The following CTNNA3 variants were observed in gnomAD, a reference collection of about 807,000 sequenced individuals.
CTNNA3 encodes catenin alpha-3.
A neutral mutation model predicts 95.7 loss-of-function variants in CTNNA3; 76 were observed. That is an observed-to-expected ratio of 0.79 (90% CI 0.66 to 0.96). CTNNA3 has a LOEUF of 0.96. CTNNA3 is among the 40% of genes least tolerant of loss of function. The pLI, the probability that CTNNA3 is intolerant of heterozygous loss-of-function variation, is 0.00. For synonymous variants in CTNNA3, 431 were observed against 374.4 expected, an observed-to-expected ratio of 1.15 and a Z score of -1.74; for missense variants, 1,191 against 1,089.8, an observed-to-expected ratio of 1.09 and a Z score of -1.31.
At chr10:67,505,740 T>C (rs966760410) in intron 5 of CTNNA3, among the ~76,000 whole-genome samples, 2 of 152,202 alleles carry the variant, frequency 1.3e-5, no homozygotes, top group South Asian at 4.1e-4. Flanking sequence ...CAACCACAGA[T>C]CATTACCTAC....
At chr10:66,131,956 A>C (rs1428582134) in intron 13 of CTNNA3, among the ~76,000 whole-genome samples, 1 of 152,180 alleles carries the variant, frequency 6.6e-6, no homozygotes, top group Non-Finnish European at 1.5e-5. Flanking sequence ...ACCTTGGAAG[A>C]AACCTAGGCA....
At chr10:67,247,609 T>C (rs1865950633) in intron 5 of CTNNA3, among the ~76,000 whole-genome samples, 1 of 152,186 alleles carries the variant, frequency 6.6e-6, no homozygotes. Context: ...ATGTAATTTC[T>C]ATCAAAATTC....
At chr10:66,218,988 T>C (rs572325519) in intron 13 of CTNNA3, among the ~76,000 whole-genome samples, 3 of 152,326 alleles carry the variant, frequency 2.0e-5, no homozygotes, top group Admixed American at 1.3e-4. Flanking sequence ...TCTCCTTTCT[T>C]ATTAGAAATA....
At chr10:66,052,486 G>C (rs1472377041) in intron 15 of CTNNA3, among the ~76,000 whole-genome samples, 1 of 152,170 alleles carries the variant, frequency 6.6e-6, no homozygotes, top group Non-Finnish European at 1.5e-5. Context: ...ATGTTTACTA[G>C]AGAGGGTCAA....
chr10:66,810,727 C>G (rs1003656849), intron 7 of CTNNA3, among the ~76,000 whole-genome samples: 14 of 152,112 alleles, frequency 9.2e-5, no homozygotes, highest in African/African-American at 2.4e-5. Flanking sequence ...GTTAGCATGC[C>G]CTCCACATTC....
intron 9 of CTNNA3, among the ~76,000 whole-genome samples, chr10:66,754,057 A>G (rs894095008): frequency 4.6e-5 from 7 of 152,178 alleles, no homozygotes; most frequent in African/African-American, 1.7e-4. Flanking sequence ...AATACAAGGG[A>G]CCTATAAAAG....
chr10:67,690,314 A>G (rs1030768915), intron 1 of CTNNA3, among the ~76,000 whole-genome samples: 2 of 152,190 alleles, frequency 1.3e-5, no homozygotes, highest in African/African-American at 2.4e-5. Context: ...GTGCGGACCC[A>G]AAGAGTGAGC....
At chr10:66,379,579 G>A (rs1481905501) in intron 11 of CTNNA3, among the ~76,000 whole-genome samples, 5 of 152,030 alleles carry the variant, frequency 3.3e-5, no homozygotes, top group Non-Finnish European at 7.4e-5. Context: ...AGAGAAATTT[G>A]TATTGACTGC....
chr10:67,158,464 T>C (rs957396896), intron 7 of CTNNA3, among the ~76,000 whole-genome samples: 2 of 152,126 alleles, frequency 1.3e-5, no homozygotes, highest in Non-Finnish European at 2.9e-5. Context: ...TCTATCAAAA[T>C]AGATGGGCTC....
At chr10:67,377,304 A>G (rs889531176) in intron 5 of CTNNA3, among the ~76,000 whole-genome samples, 1 of 152,200 alleles carries the variant, frequency 6.6e-6, no homozygotes, top group African/African-American at 2.4e-5. Context: ...AAGAAAGAAG[A>G]TGTATATTAA....
chr10:67,576,602 G>A (rs545729128), intron 3 of CTNNA3, among the ~76,000 whole-genome samples: 2 of 148,760 alleles, frequency 1.3e-5, no homozygotes, highest in Non-Finnish European at 3.0e-5. Flanking sequence ...TGTGCACAAT[G>A]TGCAAGTTAG....
chr10:66,783,784 C>T (rs1840634640), intron 7 of CTNNA3, among the ~76,000 whole-genome samples: 1 of 152,084 alleles, frequency 6.6e-6, no homozygotes. Flanking sequence ...TTTCTGTCTC[C>T]ACCATGTTTT....
At chr10:67,602,703 T>C (rs1843125041) in intron 3 of CTNNA3, among the ~76,000 whole-genome samples, 1 of 152,198 alleles carries the variant, frequency 6.6e-6, no homozygotes, top group Non-Finnish European at 1.5e-5. Context: ...TACCATCTCA[T>C]GGCAATTATT....
intron 7 of CTNNA3, among the ~76,000 whole-genome samples, chr10:67,034,623 A>C (rs1853930604): frequency 1.3e-5 from 2 of 152,142 alleles, no homozygotes; most frequent in African/African-American, 4.8e-5. Flanking sequence ...CCTACAAATA[A>C]ATTACAAGAA....
rs1221243758 is a variant in CTNNA3 at position 66,845,726 on chromosome 10, A to T, written c.1048-70202T>A. On this transcript the variant is annotated intron_variant, in intron 7 of 17. Coordinates refer to ENST00000433211, the MANE Select transcript of CTNNA3 (RefSeq NM_013266.4). ...CTCAAAAAAAAAAAAAAAAAAAAAA[A>T]AAACTAAAAAGGTGAGATATATATA... is the stretch of plus-strand genomic sequence containing the variant. 6.3e-4 allele frequency among the ~76,000 whole-genome samples: 67 copies of T among 106,248 alleles called. 2 individuals are homozygous for T. Among genetic ancestry groups the T allele is most frequent in the African/African-American group, 2.1e-3 (64 of 31,018 alleles). The allele number at this position is 106,248 out of a possible 152,430, so 69.7% of individuals were successfully genotyped here. A position where few individuals can be genotyped will look rare whatever the true frequency, so the allele number is the denominator to read the frequency against.
chr10:66,957,863 T>TA (rs926605073), intron 7 of CTNNA3, among the ~76,000 whole-genome samples: 4 of 151,946 alleles, frequency 2.6e-5, no homozygotes, highest in African/African-American at 4.8e-5. Flanking sequence ...CCAGAGAAAT[T>TA]AGAGTTCTCC....
chr10:65,955,772 C>T (rs895603909), intron 17 of CTNNA3, among the ~76,000 whole-genome samples: 2 of 152,078 alleles, frequency 1.3e-5, no homozygotes, highest in Non-Finnish European at 2.9e-5. Context: ...TTTTGATGTG[C>T]CGCTGGATTC....
At chr10:67,700,377 C>T (rs1589575417), upstream of CTNNA3, among the ~76,000 whole-genome samples, 1 of 152,200 alleles carries the variant, frequency 6.6e-6, no homozygotes, top group Admixed American at 6.5e-5. Flanking sequence ...AGGCACCCCC[C>T]AGTAGGGGCA....
At chr10:66,145,778 C>A (rs192530975) in intron 13 of CTNNA3, among the ~76,000 whole-genome samples, 1 of 152,164 alleles carries the variant, frequency 6.6e-6, no homozygotes, top group East Asian at 1.9e-4. Flanking sequence ...GCTGCTTATT[C>A]ATAGATACAC....
Sources: allele counts gnomAD v4.1 joint callset (sites outside exome capture counted in the v4.1 genomes callset), GRCh38; gene constraint gnomAD v4.1.1; transcripts MANE v1.5; gene names NCBI Gene and HGNC (gene_info 2026-07-23, HGNC 2026-07-21).